TENT4B: variants seen among roughly 807,000 people sequenced by gnomAD.
The protein encoded by TENT4B is PAP associated domain containing 5.
A neutral mutation model predicts 75.0 loss-of-function variants in TENT4B; 10 were observed. The ratio of observed to expected loss-of-function variants is 0.13; its 90% CI spans 0.08 to 0.23. The LOEUF is 0.23. Ranked by LOEUF, TENT4B falls within the 10% of genes least tolerant of loss-of-function variation. The pLI, the probability that TENT4B is intolerant of heterozygous loss-of-function variation, is 1.00. For missense variants in TENT4B, 579 were observed against 893.8 expected (o/e 0.65, Z 4.49); for synonymous variants, 350 against 357.7 (o/e 0.98, Z 0.24).
intron 1 of TENT4B, among the ~76,000 whole-genome samples, chr16:50,190,771 C>T (rs1238694653): frequency 6.6e-6 from 1 of 152,052 alleles, no homozygotes; most frequent in Non-Finnish European, 1.5e-5. Context: ...TAAATACATT[C>T]ACGTTACTGT....
intron 1 of TENT4B, among the ~76,000 whole-genome samples, chr16:50,181,588 A>G (rs2150696622): frequency 6.6e-6 from 1 of 151,140 alleles, no homozygotes; most frequent in East Asian, 1.9e-4. Context: ...TATAGGTGTG[A>G]GCCACCATGC....
Position 50,230,786 on chromosome 16 carries a change from G to T in TENT4B, c.*1458G>T. ...TACCTGTTGAGTTTGAAACTCAGTT[G>T]GGAATATTTAATATAATAGAATGTA... On this transcript the variant is annotated 3_prime_UTR_variant, in exon 12 of 12. Coordinates refer to ENST00000561678, the MANE Select transcript of TENT4B (RefSeq NM_001365324.3). The T allele has an allele frequency of 1.0e-6, 1 of 985,668 alleles. No homozygotes were observed. Among genetic ancestry groups the T allele is most frequent in the Non-Finnish European group, 1.2e-6 (1 of 829,848 alleles). The allele number at this position is 985,668 out of a possible 1,614,324, so 61.1% of individuals were successfully genotyped here.
chr16:50,161,034 C>G (rs950711749), intron 1 of TENT4B, among the ~76,000 whole-genome samples: 1 of 152,192 alleles, frequency 6.6e-6, no homozygotes, highest in Non-Finnish European at 1.5e-5. Flanking sequence ...GACTGGACAG[C>G]CTAGAGTCTG....
rs1555506603 is a variant in TENT4B, at chr16:50,153,519, GGCA to G, written c.-88_-86del. 3.6e-6 allele frequency: 3 copies of G among 832,240 alleles called. No individual in the cohort carries two copies. Among genetic ancestry groups the G allele is most frequent in the Non-Finnish European group, 4.3e-6 (3 of 699,818 alleles). 51.6% of individuals were successfully genotyped at this position (832,240 alleles called of 1,614,324 possible). A position where few individuals can be genotyped will look rare whatever the true frequency, so the allele number is the denominator to read the frequency against. ...CAGCAGCAGCAGCAGCGGCAGCAGCGGCAGCAGCAGCAGCAGCCGAGGCCGGGC... is the reference window on the plus strand; with the variant it reads ...CAGCAGCAGCAGCAGCGGCAGCAGCGGCAGCAGCAGCAGCCGAGGCCGGGC... On this transcript the variant is annotated 5_prime_UTR_variant, in exon 1 of 12. Transcript: ENST00000561678.
At chr16:50,216,830 T>A (rs75106447) in intron 4 of TENT4B, among the ~76,000 whole-genome samples, 57 of 131,060 alleles carry the variant, frequency 4.3e-4, no homozygotes, top group Non-Finnish European at 6.6e-4. Context: ...ATTTAAAAAA[T>A]TTTTTTTTGT....
chr16:50,205,198 T>C (rs1459974651), intron 1 of TENT4B, among the ~76,000 whole-genome samples: 1 of 152,142 alleles, frequency 6.6e-6, no homozygotes, highest in East Asian at 1.9e-4. Flanking sequence ...TAGACCCTGT[T>C]CTGTGTGGGG....
chr16:50,196,534 A>T (rs541388941), intron 1 of TENT4B, among the ~76,000 whole-genome samples: 1 of 149,398 alleles, frequency 6.7e-6, no homozygotes, highest in Non-Finnish European at 1.5e-5. Flanking sequence ...CATCTCCTTC[A>T]TCATGAAAGG....
At chr16:50,182,955 G>A (rs1301018866) in intron 1 of TENT4B, among the ~76,000 whole-genome samples, 2 of 125,464 alleles carry the variant, frequency 1.6e-5, no homozygotes, top group Non-Finnish European at 3.1e-5. Context: ...CTGGGCTCAA[G>A]CAATCCTTCT....
intron 1 of TENT4B, among the ~76,000 whole-genome samples, chr16:50,155,165 A>C (rs193232173): frequency 1.6e-3 from 245 of 152,280 alleles, no homozygotes; most frequent in Non-Finnish European, 2.7e-3. Flanking sequence ...AATTATGTAC[A>C]TAAGCAGGGA....
intron 1 of TENT4B, among the ~76,000 whole-genome samples, chr16:50,202,663 T>C (rs574471340): frequency 9.2e-5 from 14 of 152,256 alleles, no homozygotes; most frequent in African/African-American, 2.4e-4. Context: ...TACTCAAGAG[T>C]AGTTTGGGTA....
At chr16:50,181,906 G>A (rs1046671622) in intron 1 of TENT4B, among the ~76,000 whole-genome samples, 2 of 152,172 alleles carry the variant, frequency 1.3e-5, no homozygotes, top group Non-Finnish European at 2.9e-5. Flanking sequence ...AAAAATGCTA[G>A]ATTAGGTTAG....
intron 1 of TENT4B, among the ~76,000 whole-genome samples, chr16:50,170,125 C>T (rs1309433566): frequency 6.6e-6 from 1 of 151,852 alleles, no homozygotes; most frequent in Non-Finnish European, 1.5e-5. Context: ...AATCTCCGCT[C>T]ACTGCAACCT....
rs1163548852 is a variant in TENT4B at position 50,154,152 on chromosome 16, G to C, written c.531G>C (p.Leu177=). 3 of 1,521,806 alleles carry C rather than the reference G, an allele frequency of 2.0e-6. No homozygotes were observed. In the African/African-American group the frequency reaches 4.2e-5, roughly 21 times the overall value. The allele number at this position is 1,521,806 out of a possible 1,614,324, so 94.3% of individuals were successfully genotyped here. A position where few individuals can be genotyped will look rare whatever the true frequency, so the allele number is the denominator to read the frequency against. Residue 177 remains leucine, a synonymous_variant, in exon 1 of 12, where the codon CTG becomes CTC. Transcript: ENST00000561678. ...ASTYGLNYSL[L]QPSGGRAAGG... ...CGTATGGACTCAACTACAGCCTGCTGCAGCCCAGCGGAGGGCGGGCCGCGG... is the reference window on the plus strand; with the variant it reads ...CGTATGGACTCAACTACAGCCTGCTCCAGCCCAGCGGAGGGCGGGCCGCGG...
At chr16:50,222,885 G>A (rs962904877) in intron 6 of TENT4B, among the ~76,000 whole-genome samples, 4 of 152,136 alleles carry the variant, frequency 2.6e-5, no homozygotes, top group African/African-American at 4.8e-5. Context: ...GAGTCTATTC[G>A]TGAGTCAGAA....
chr16:50,163,113 T>C (rs1253645862), intron 1 of TENT4B, among the ~76,000 whole-genome samples: 2 of 152,232 alleles, frequency 1.3e-5, no homozygotes, highest in Non-Finnish European at 2.9e-5. Flanking sequence ...GTCACTGTTT[T>C]GATTTTGTGA....
Position 50,232,842 on chromosome 16 carries a change from T to C in TENT4B, c.*3514T>C, listed in dbSNP as rs2032336334. 5 of 985,236 alleles carry C rather than the reference T, an allele frequency of 5.1e-6. No individual in the cohort carries two copies. The highest frequency in any genetic ancestry group is 9.4e-5 in the South Asian group (2 of 21,288). The allele number at this position is 985,236 out of a possible 1,614,324, so 61.0% of individuals were successfully genotyped here. A position where few individuals can be genotyped will look rare whatever the true frequency, so the allele number is the denominator to read the frequency against. The stretch of plus-strand genomic sequence containing the variant: ...TTGATCAGTTCCTTGAATTCTAATA[T>C]GTTGATTTCTCAGTGTTTCTGTCAC... On this transcript the variant is annotated 3_prime_UTR_variant, in exon 12 of 12. Coordinates refer to ENST00000561678, the MANE Select transcript of TENT4B (RefSeq NM_001365324.3).
intron 1 of TENT4B, among the ~76,000 whole-genome samples, chr16:50,179,655 T>C (rs1165665724): frequency 6.6e-6 from 1 of 152,214 alleles, no homozygotes; most frequent in African/African-American, 2.4e-5. Flanking sequence ...GTGTTTGAGA[T>C]CAAAGGATCT....
chr16:50,156,335 A>T (rs933759158), intron 1 of TENT4B, among the ~76,000 whole-genome samples: 1 of 128,664 alleles, frequency 7.8e-6, no homozygotes, highest in African/African-American at 2.9e-5. Context: ...GCTTTGATTC[A>T]TGTATTCTGA....
chr16:50,218,745 C>T (rs1567510628), intron 5 of TENT4B, among the ~76,000 whole-genome samples: 2 of 152,116 alleles, frequency 1.3e-5, no homozygotes. Flanking sequence ...GTGTTTCCTA[C>T]AGGCTTCCTT....
Sources: allele counts gnomAD v4.1 joint callset (sites outside exome capture counted in the v4.1 genomes callset), GRCh38; gene constraint gnomAD v4.1.1; transcripts MANE v1.5; gene names NCBI Gene and HGNC (gene_info 2026-07-23, HGNC 2026-07-21).